The following SLC2A9 variants were observed in gnomAD, a reference collection of about 807,000 sequenced individuals.
SLC2A9 encodes solute carrier family 2, facilitated glucose transporter member 9.
Under a neutral mutation model 50.6 loss-of-function variants are expected in SLC2A9, and 39 were observed. The observed-to-expected ratio is 0.77, with a 90% confidence interval of 0.60 to 1.01. The LOEUF is 1.01. Ranked by LOEUF, SLC2A9 falls within the 50% of genes least tolerant of loss-of-function variation. The probability of loss-of-function intolerance (pLI) is 0.00; values close to 1 mark genes in which losing one functional copy is unlikely to be tolerated. For missense variants in SLC2A9, 686 were observed against 677.6 expected (o/e 1.01, Z -0.14); for synonymous variants, 324 against 276.9 (o/e 1.17, Z -1.69).
chr4:9,868,096 C>T (rs1732803258), intron 10 of SLC2A9, among the ~76,000 whole-genome samples: 3 of 152,226 alleles, frequency 2.0e-5, no homozygotes, highest in Admixed American at 2.0e-4. Context: ...TGGATTTGCG[C>T]CTGACCCGGG....
chr4:9,938,273 T>A (rs1300907301), intron 6 of SLC2A9, among the ~76,000 whole-genome samples: 1 of 145,548 alleles, frequency 6.9e-6, no homozygotes, highest in Non-Finnish European at 1.5e-5. Flanking sequence ...TTTTGCTATT[T>A]TTTTTTTTTT....
intron 6 of SLC2A9, among the ~76,000 whole-genome samples, chr4:9,938,549 G>A (rs927578406): frequency 3.3e-5 from 5 of 152,140 alleles, no homozygotes; most frequent in African/African-American, 1.2e-4. Flanking sequence ...GGGATTACAG[G>A]CGTGAGCCAC....
chr4:9,800,742 A>T (rs938556), intron 3 of SLC2A9, among the ~76,000 whole-genome samples: 142,175 of 152,286 alleles, frequency 0.93, 66,539 homozygotes, highest in Middle Eastern at 0.96. Flanking sequence ...AGCATTTACA[A>T]CGCATCAGGT....
At chr4:9,787,022 G>A (rs927855136) in intron 3 of SLC2A9, among the ~76,000 whole-genome samples, 9 of 152,234 alleles carry the variant, frequency 5.9e-5, no homozygotes, top group African/African-American at 2.2e-4. Context: ...ACCTGCCTGA[G>A]ATTGGAGGCT....
At chr4:10,003,762 A>G (rs1760283516) in intron 2 of SLC2A9, among the ~76,000 whole-genome samples, 1 of 152,246 alleles carries the variant, frequency 6.6e-6, no homozygotes, top group Non-Finnish European at 1.5e-5. Context: ...TGCATGATAC[A>G]GAATGGGTGC....
chr4:9,955,037 G>C (rs2108875666), intron 5 of SLC2A9, among the ~76,000 whole-genome samples: 1 of 152,292 alleles, frequency 6.6e-6, no homozygotes, highest in Admixed American at 6.5e-5. Flanking sequence ...CTTTTGACTG[G>C]TGAGGGAAAA....
At chr4:10,000,639 G>A (rs1309467041) in intron 2 of SLC2A9, among the ~76,000 whole-genome samples, 2 of 152,162 alleles carry the variant, frequency 1.3e-5, no homozygotes, top group Non-Finnish European at 2.9e-5. Context: ...ATGCATGACT[G>A]GAGAGAGTAA....
At chr4:9,830,563 A>G (rs1436720545) in intron 11 of SLC2A9, among the ~76,000 whole-genome samples, 2 of 152,236 alleles carry the variant, frequency 1.3e-5, no homozygotes, top group African/African-American at 4.8e-5. Flanking sequence ...AAGTTTGACT[A>G]GTCCTGCCCG....
At chr4:9,931,948 C>CAA (rs1378069165) in intron 6 of SLC2A9, among the ~76,000 whole-genome samples, 69 of 60,594 alleles carry the variant, frequency 1.1e-3, no homozygotes, top group African/African-American at 3.8e-3. Context: ...CTCTCTCTCT[C>CAA]TCTCTCTCTC....
chr4:9,902,498 G>C (rs1330440029), intron 8 of SLC2A9, among the ~76,000 whole-genome samples: 1 of 152,206 alleles, frequency 6.6e-6, no homozygotes, highest in Admixed American at 6.5e-5. Context: ...GGGCTGCCGT[G>C]ATAAGGTCCC....
At chr4:10,036,203 A>C (rs987681273) in intron 1 of SLC2A9, 1 of 152,766 alleles carries the variant, frequency 6.5e-6, no homozygotes, top group African/African-American at 2.4e-5. Flanking sequence ...AGTAAACTAC[A>C]CTTGAGAAGG....
At chr4:9,969,902 A>G (rs1753620979) in intron 5 of SLC2A9, among the ~76,000 whole-genome samples, 1 of 152,264 alleles carries the variant, frequency 6.6e-6, no homozygotes, top group Admixed American at 6.5e-5. Flanking sequence ...GTGGAGATGA[A>G]GCCAAACCAT....
chr4:10,030,722 C>G (rs1312995548), intron 1 of SLC2A9, among the ~76,000 whole-genome samples: 1 of 152,196 alleles, frequency 6.6e-6, no homozygotes, highest in Non-Finnish European at 1.5e-5. Context: ...TTGAGAAACT[C>G]TAAACTAGAT....
At chr4:9,811,518 G>A (rs1722890862) in intron 3 of SLC2A9, among the ~76,000 whole-genome samples, 1 of 152,136 alleles carries the variant, frequency 6.6e-6, no homozygotes, top group Non-Finnish European at 1.5e-5. Flanking sequence ...GAGAAAGAGG[G>A]AGAGACATCC....
At chr4:9,817,800 C>A (rs1358490152) in intron 3 of SLC2A9, among the ~76,000 whole-genome samples, 1 of 152,116 alleles carries the variant, frequency 6.6e-6, no homozygotes, top group South Asian at 2.1e-4. Context: ...ATCTCAGCCC[C>A]CTAATCTCTC....
chr4:9,943,494 G>T (rs1748563438), intron 5 of SLC2A9, among the ~76,000 whole-genome samples: 1 of 152,170 alleles, frequency 6.6e-6, no homozygotes, highest in African/African-American at 2.4e-5. Context: ...GCCCAGGAGG[G>T]CCAGGGACAG....
chr4:9,891,381 G>A lies in SLC2A9; in HGVS notation c.1114-670C>T, dbSNP rs139505402. Among the ~76,000 whole-genome samples, 10 of 152,292 alleles carry A rather than the reference G, an allele frequency of 6.6e-5. No individual in the cohort carries two copies. The East Asian group carries it at 1.5e-3, about 23-fold the overall frequency. On this transcript the variant is annotated intron_variant, in intron 8 of 11. Transcript: ENST00000264784. ...AGAGTAATTGTAGCCGAATGTCAGA[G>A]ACAGGAAAACCTGGGTTTATATTCC...
At chr4:9,881,563 G>A (rs1735216669) in intron 10 of SLC2A9, among the ~76,000 whole-genome samples, 1 of 152,168 alleles carries the variant, frequency 6.6e-6, no homozygotes, top group Non-Finnish European at 1.5e-5. Flanking sequence ...AATATATTAG[G>A]CTTTTCAGGC....
chr4:9,985,514 G>A (rs1756556754), intron 4 of SLC2A9, among the ~76,000 whole-genome samples, 155 bp downstream of exon 4: 4 of 152,170 alleles, frequency 2.6e-5, no homozygotes, highest in African/African-American at 4.8e-5. Flanking sequence ...CCACAGGACT[G>A]TCCCACTTTA....
Sources: gnomAD v4.1 joint callset for allele counts (sites outside exome capture counted in the v4.1 genomes callset) on GRCh38, gnomAD v4.1.1 for gene constraint, MANE v1.5 for transcripts, NCBI Gene and HGNC (gene_info 2026-07-23, HGNC 2026-07-21) for gene names.